Variants in FOXP2 observed in about 807,000 individuals in gnomAD.
FOXP2 encodes the protein forkhead box P2.
A neutral mutation model predicts 115.8 loss-of-function variants in FOXP2; 12 were observed. That is an observed-to-expected ratio of 0.10 (90% CI 0.07 to 0.17). The LOEUF (loss-of-function observed/expected upper bound fraction) is 0.17, where lower values mean the gene tolerates loss of function less well. FOXP2 is among the 10% of genes least tolerant of loss of function. The pLI, the probability that FOXP2 is intolerant of heterozygous loss-of-function variation, is 1.00. For synonymous variants in FOXP2, 328 were observed against 297.7 expected (o/e 1.10, Z -1.05); for missense variants, 629 against 843.5 (o/e 0.75, Z 3.15).
At chr7:114,295,060 G>T (rs903355613) in intron 2 of FOXP2, among the ~76,000 whole-genome samples, 4 of 151,930 alleles carry the variant, frequency 2.6e-5, no homozygotes, top group Admixed American at 2.6e-4. Context: ...TTAAATGAGA[G>T]TTTATGTTTA....
chr7:114,161,006 T>C (rs1792814698), upstream of FOXP2, among the ~76,000 whole-genome samples: 1 of 152,208 alleles, frequency 6.6e-6, no homozygotes, highest in Non-Finnish European at 1.5e-5. Context: ...TATTTGTTAT[T>C]GATGTCAATC....
intron 2 of FOXP2, among the ~76,000 whole-genome samples, chr7:114,491,125 G>A (rs1419625358): frequency 2.0e-5 from 3 of 152,198 alleles, no homozygotes; most frequent in Non-Finnish European, 4.4e-5. Context: ...CCCACCAACA[G>A]TGTAACAGTG....
chr7:114,594,515 G>C lies in FOXP2; in HGVS notation c.259-34025G>C, dbSNP rs115434742. Reference sequence around the variant, plus strand: ...GACTGTGTGGAGTTGTCTCACTTTGGAGCTTTTTCACTGTTACAAGATATG... The same window carrying C: ...GACTGTGTGGAGTTGTCTCACTTTGCAGCTTTTTCACTGTTACAAGATATG... On this transcript the variant is annotated intron_variant, in intron 3 of 16. Transcript: ENST00000350908. 4.1e-3 allele frequency among the ~76,000 whole-genome samples: 625 copies of C among 152,070 alleles called. 7 individuals carry two copies. Among genetic ancestry groups the C allele is most frequent in the African/African-American group, 0.014 (575 of 41,516 alleles).
At chr7:114,432,538 A>T (rs1343656044) in intron 2 of FOXP2, among the ~76,000 whole-genome samples, 1 of 152,008 alleles carries the variant, frequency 6.6e-6, no homozygotes, top group African/African-American at 2.4e-5. Context: ...TCTAGAATTT[A>T]TCTTTAAATT....
At chr7:114,165,727 A>G (rs966261871) in intron 1 of FOXP2, among the ~76,000 whole-genome samples, 18 of 152,328 alleles carry the variant, frequency 1.2e-4, no homozygotes, top group African/African-American at 4.3e-4. Flanking sequence ...AATCCCAGTC[A>G]AAATCCCAGC....
intron 8 of FOXP2, among the ~76,000 whole-genome samples, chr7:114,650,293 G>T (rs1294013039): frequency 6.6e-6 from 1 of 151,996 alleles, no homozygotes; most frequent in Non-Finnish European, 1.5e-5. Context: ...TTTTATTGCA[G>T]ACCTGTATGT....
chr7:114,321,152 C>T (rs540305786), intron 2 of FOXP2, among the ~76,000 whole-genome samples: 2 of 151,366 alleles, frequency 1.3e-5, no homozygotes, highest in African/African-American at 4.8e-5. Flanking sequence ...CCTCGCTATT[C>T]TGCAACCATG....
At chr7:114,293,178 C>T (rs990939149) in intron 2 of FOXP2, among the ~76,000 whole-genome samples, 18 of 152,102 alleles carry the variant, frequency 1.2e-4, no homozygotes, top group Admixed American at 2.0e-4. Flanking sequence ...CAATAGAATA[C>T]GGCACAAGTT....
At chr7:114,568,367 G>GT (rs1345806079) in intron 3 of FOXP2, among the ~76,000 whole-genome samples, 2 of 150,522 alleles carry the variant, frequency 1.3e-5, no homozygotes, top group Non-Finnish European at 3.0e-5. Flanking sequence ...TATATACTGT[G>GT]TACCAATCCA....
chr7:114,292,081 T>G (rs932483954), intron 2 of FOXP2, among the ~76,000 whole-genome samples: 1 of 149,578 alleles, frequency 6.7e-6, no homozygotes, highest in African/African-American at 2.5e-5. Context: ...ATGTGTATAA[T>G]GTATGTATGT....
chr7:114,258,700 T>A (rs1795677699), intron 1 of FOXP2, among the ~76,000 whole-genome samples: 1 of 152,232 alleles, frequency 6.6e-6, no homozygotes, highest in African/African-American at 2.4e-5. Context: ...ATTTGATATA[T>A]AAATTTATTT....
chr7:114,184,556 A>T (rs1793543916), intron 1 of FOXP2, among the ~76,000 whole-genome samples: 1 of 152,182 alleles, frequency 6.6e-6, no homozygotes, highest in Non-Finnish European at 1.5e-5. Flanking sequence ...ATAGAACTGG[A>T]TTCCAAGAAC....
chr7:114,257,125 C>T (rs184370564), intron 1 of FOXP2, among the ~76,000 whole-genome samples: 1 of 152,258 alleles, frequency 6.6e-6, no homozygotes, highest in Admixed American at 6.5e-5. Context: ...GAATAGAGAA[C>T]TCAGAAATAA....
chr7:114,576,144 G>T (rs994728476), intron 3 of FOXP2, among the ~76,000 whole-genome samples: 1 of 151,852 alleles, frequency 6.6e-6, no homozygotes, highest in African/African-American at 2.4e-5. Flanking sequence ...ATAATATAGT[G>T]ACCATGTTTA....
intron 2 of FOXP2, among the ~76,000 whole-genome samples, chr7:114,390,522 G>GTATGTATT (rs1554382697): frequency 1.8e-4 from 27 of 148,366 alleles, no homozygotes; most frequent in African/African-American, 3.7e-4. Context: ...TTTTATTTAT[G>GTATGTATT]TATTTATTTA....
chr7:114,646,666 G>T (rs1266948512), intron 8 of FOXP2, among the ~76,000 whole-genome samples: 1 of 151,890 alleles, frequency 6.6e-6, no homozygotes, highest in African/African-American at 2.4e-5. Context: ...CTAACTCAAA[G>T]ATCTGTGATA....
chr7:114,095,457 T>G (rs1799626523), intron 1 of FOXP2, among the ~76,000 whole-genome samples: 1 of 150,168 alleles, frequency 6.7e-6, no homozygotes. Flanking sequence ...TTTAAAGGGT[T>G]TTTTTTTTTC....
At chr7:114,273,544 GT>G (rs1796116316) in intron 1 of FOXP2, among the ~76,000 whole-genome samples, 1 of 152,006 alleles carries the variant, frequency 6.6e-6, no homozygotes. Flanking sequence ...ATAGAGGAGT[GT>G]TGAAGTTTTT....
chr7:114,656,879 T>TA (rs1019819005), intron 10 of FOXP2, among the ~76,000 whole-genome samples: 8 of 151,970 alleles, frequency 5.3e-5, no homozygotes, highest in Non-Finnish European at 8.8e-5. Flanking sequence ...TTCTCCCCAT[T>TA]AAAAAAAGGT....
Sources: gnomAD v4.1 joint callset for allele counts (sites outside exome capture counted in the v4.1 genomes callset) on GRCh38, gnomAD v4.1.1 for gene constraint, MANE v1.5 for transcripts, NCBI Gene and HGNC (gene_info 2026-07-23, HGNC 2026-07-21) for gene names.